The following CCDC148 variants were observed in gnomAD, a reference collection of about 807,000 sequenced individuals.
CCDC148 encodes the protein coiled-coil domain containing 148, also known as coiled-coil domain-containing protein 148.
Under a neutral mutation model 85.7 loss-of-function variants are expected in CCDC148, and 89 were observed. That is an observed-to-expected ratio of 1.04 (90% CI 0.87 to 1.24). The LOEUF (loss-of-function observed/expected upper bound fraction) is 1.24. Ranked by LOEUF, CCDC148 falls within the 50% of genes most tolerant of loss-of-function variation. The pLI, the probability that CCDC148 is intolerant of heterozygous loss-of-function variation, is 0.00. For synonymous variants in CCDC148, 230 were observed against 213.9 expected, an observed-to-expected ratio of 1.08 and a Z score of -0.66; for missense variants, 692 against 671.7, an observed-to-expected ratio of 1.03 and a Z score of -0.33.
In CCDC148 at chr2:158,456,402, G is replaced by A. The variant is rs766594219; in HGVS notation, c.25+13C>T. ...GAGGAAGCAGCGATGGAAGGGATGGGGTGCAAACTCACCTGGAGAAGCAGA... is the reference window on the plus strand; with the variant it reads ...GAGGAAGCAGCGATGGAAGGGATGGAGTGCAAACTCACCTGGAGAAGCAGA... On this transcript the variant is annotated intron_variant, in intron 1 of 13. Transcript: ENST00000283233. 4 of 1,611,168 alleles carry A rather than the reference G, an allele frequency of 2.5e-6. No homozygotes were observed. In the African/African-American group the frequency reaches 5.3e-5, roughly 22 times the overall value.
chr2:158,330,025 C>T (rs991320459), intron 7 of CCDC148, among the ~76,000 whole-genome samples: 3 of 152,104 alleles, frequency 2.0e-5, no homozygotes, highest in Admixed American at 1.3e-4. Flanking sequence ...ATTGCCCTGG[C>T]CAGAACTTCC....
chr2:158,351,705 C>G (rs1197339096), intron 2 of CCDC148, among the ~76,000 whole-genome samples: 24 of 150,436 alleles, frequency 1.6e-4, no homozygotes, highest in East Asian at 3.9e-4. Context: ...CAGGAAGCTC[C>G]AACTGGGCGG....
chr2:158,360,417 G>GA (rs764951625), intron 1 of CCDC148, among the ~76,000 whole-genome samples: 3 of 152,132 alleles, frequency 2.0e-5, no homozygotes, highest in Non-Finnish European at 4.4e-5. Context: ...TCTCATACAG[G>GA]AGAGCTCCAG....
chr2:158,192,956 A>G (rs1404863784), intron 11 of CCDC148, among the ~76,000 whole-genome samples: 1 of 152,084 alleles, frequency 6.6e-6, no homozygotes, highest in African/African-American at 2.4e-5. Flanking sequence ...CCCTGTCAAT[A>G]TATGAAAGGC....
intron 7 of CCDC148, among the ~76,000 whole-genome samples, chr2:158,330,731 G>A (rs1290399467): frequency 1.3e-5 from 2 of 152,122 alleles, no homozygotes; most frequent in Non-Finnish European, 2.9e-5. Context: ...TCCTGGTTTA[G>A]TTTTGGGAGG....
At chr2:158,389,655 T>C (rs866530740) in intron 1 of CCDC148, among the ~76,000 whole-genome samples, 18 of 152,238 alleles carry the variant, frequency 1.2e-4, no homozygotes, top group Admixed American at 3.3e-4. Flanking sequence ...TATTTATTTG[T>C]AAAGATGTCT....
intron 11 of CCDC148, among the ~76,000 whole-genome samples, chr2:158,189,200 A>G (rs1685302806): frequency 6.6e-6 from 1 of 151,876 alleles, no homozygotes; most frequent in Non-Finnish European, 1.5e-5. Context: ...GAGTGAGAGG[A>G]ATCTGAAGAT....
intron 1 of CCDC148, among the ~76,000 whole-genome samples, chr2:158,399,394 C>G (rs1685672652): frequency 2.0e-5 from 3 of 152,020 alleles, no homozygotes; most frequent in Admixed American, 2.0e-4. Flanking sequence ...ACTGGCAAAC[C>G]AAATCCAGCA....
intron 1 of CCDC148, among the ~76,000 whole-genome samples, chr2:158,379,120 A>T (rs1262862984): frequency 6.6e-6 from 1 of 152,186 alleles, no homozygotes; most frequent in Non-Finnish European, 1.5e-5. Flanking sequence ...GCCACTAAGA[A>T]CACTCATGAT....
Position 158,340,372 on chromosome 2 carries a change from T to G in CCDC148, c.356A>C (p.Gln119Pro). 6.2e-7 allele frequency: 1 copy of G among 1,613,838 alleles called. No homozygotes were observed. The highest frequency in any genetic ancestry group is 8.5e-7 in the Non-Finnish European group (1 of 1,179,884). ...TNFEQELSEQ[Q>P]CTYLKNVINP... is the part of the protein sequence containing the mutation. ...TATTACATTTTTAAGATATGTGCACTGTTGTTCTGATAGCTCTTGCTCTAT... is the reference window on the plus strand; with the variant it reads ...TATTACATTTTTAAGATATGTGCACGGTTGTTCTGATAGCTCTTGCTCTAT... The change falls in exon 5 of 14, where the codon CAG (glutamine) becomes CCG (proline). Residue 119 changes from glutamine to proline, a missense_variant. Gln to Pro is a moderately conservative substitution (Grantham distance 76). Coordinates refer to ENST00000283233, the MANE Select transcript of CCDC148 (RefSeq NM_138803.4).
At chr2:158,291,114 T>C (rs1158495896) in intron 9 of CCDC148, among the ~76,000 whole-genome samples, 2 of 151,988 alleles carry the variant, frequency 1.3e-5, no homozygotes, top group Non-Finnish European at 2.9e-5. Flanking sequence ...CTGATCCTCT[T>C]TTATATATAT....
chr2:158,256,331 C>T (rs1471668951), intron 9 of CCDC148, among the ~76,000 whole-genome samples: 2 of 151,610 alleles, frequency 1.3e-5, no homozygotes. Flanking sequence ...GGGACTGGAT[C>T]AGGTTACCCC....
chr2:158,342,177 G>A (rs1017054090), intron 3 of CCDC148, among the ~76,000 whole-genome samples: 5 of 151,242 alleles, frequency 3.3e-5, no homozygotes, highest in Admixed American at 6.6e-5. Context: ...CTACAGGTGC[G>A]CGCCACCATG....
intron 3 of CCDC148, among the ~76,000 whole-genome samples, chr2:158,342,489 C>T (rs1420216807): frequency 6.6e-6 from 1 of 152,066 alleles, no homozygotes; most frequent in African/African-American, 2.4e-5. Flanking sequence ...TTGAGTCAAA[C>T]CAGAAGTTAT....
At chr2:158,293,099 A>G (rs956544392) in intron 9 of CCDC148, among the ~76,000 whole-genome samples, 4 of 152,190 alleles carry the variant, frequency 2.6e-5, no homozygotes, top group African/African-American at 9.6e-5. Context: ...TTAAAGTAAA[A>G]TTTTAAAAAA....
At chr2:158,432,384 T>G (rs1687396903) in intron 1 of CCDC148, among the ~76,000 whole-genome samples, 2 of 152,074 alleles carry the variant, frequency 1.3e-5, no homozygotes, top group Admixed American at 6.5e-5. Context: ...AAAAGCCCAC[T>G]TTAAATACAA....
At chr2:158,174,253 T>C (rs1684459917) in intron 13 of CCDC148, among the ~76,000 whole-genome samples, 10 of 152,086 alleles carry the variant, frequency 6.6e-5, no homozygotes. Context: ...AAATAGCTTA[T>C]ACAAATGCAC....
chr2:158,384,140 T>C (rs971765035), intron 1 of CCDC148, among the ~76,000 whole-genome samples: 8 of 152,190 alleles, frequency 5.3e-5, no homozygotes, highest in African/African-American at 1.7e-4. Flanking sequence ...CCTTTGTCCA[T>C]TACTGATGCT....
chr2:158,241,175 C>G (rs925799846), intron 10 of CCDC148, among the ~76,000 whole-genome samples: 8 of 152,162 alleles, frequency 5.3e-5, no homozygotes, highest in African/African-American at 1.7e-4. Flanking sequence ...CAAAGTCACA[C>G]TCTACATGTG....
Sources: allele counts gnomAD v4.1 joint callset (sites outside exome capture counted in the v4.1 genomes callset), GRCh38; gene constraint gnomAD v4.1.1; transcripts MANE v1.5; gene names NCBI Gene and HGNC (gene_info 2026-07-23, HGNC 2026-07-21).